The following TUSC3 variants were observed in gnomAD, a reference collection of about 807,000 sequenced individuals.
TUSC3 encodes the protein dolichyl-diphosphooligosaccharide--protein glycosyltransferase subunit TUSC3.
A neutral mutation model predicts 44.8 loss-of-function variants in TUSC3; 45 were observed. The observed-to-expected ratio is 1.00, with a 90% CI of 0.79 to 1.29. The LOEUF (loss-of-function observed/expected upper bound fraction) is 1.29, where lower values mean the gene tolerates loss of function less well. TUSC3 is among the 50% of genes most tolerant of loss of function. The pLI, the probability that TUSC3 is intolerant of heterozygous loss-of-function variation, is 0.00. For synonymous variants in TUSC3, 212 were observed against 152.9 expected, an observed-to-expected ratio of 1.39 and a Z score of -2.85; for missense variants, 519 against 437.9, an observed-to-expected ratio of 1.19 and a Z score of -1.65.
At chr8:15,663,340 C>T (rs558397117) in intron 5 of TUSC3, among the ~76,000 whole-genome samples, 1 of 151,634 alleles carries the variant, frequency 6.6e-6, no homozygotes, top group South Asian at 2.1e-4. Flanking sequence ...TAACTACATA[C>T]AATGTATTAT....
intron 2 of TUSC3, among the ~76,000 whole-genome samples, chr8:15,523,580 C>G (rs1295007489): frequency 6.7e-6 from 1 of 149,304 alleles, no homozygotes; most frequent in Non-Finnish European, 1.5e-5. Context: ...TAATAAATGC[C>G]TTGCCGACTT....
At chr8:15,823,510 A>G in the TUSC3 span, among the ~76,000 whole-genome samples, 4 of 152,304 alleles carry the variant, frequency 2.6e-5, no homozygotes, top group Non-Finnish European at 5.9e-5. Context: ...GTATTTAGGA[A>G]TGTCTTATTT....
chr8:15,803,183 T>C, the TUSC3 span, among the ~76,000 whole-genome samples: 1 of 150,308 alleles, frequency 6.7e-6, no homozygotes, highest in Non-Finnish European at 1.5e-5. Context: ...CCAAATTGCC[T>C]AAAACGTGCT....
intron 1 of TUSC3, among the ~76,000 whole-genome samples, chr8:15,423,974 T>G (rs1405923699): frequency 3.5e-5 from 2 of 57,804 alleles, no homozygotes; most frequent in African/African-American, 1.4e-4. Flanking sequence ...GCTTTGTTTT[T>G]TTTTTTTTTT....
At chr8:15,534,380 A>T (rs1801493403) in intron 2 of TUSC3, among the ~76,000 whole-genome samples, 1 of 152,146 alleles carries the variant, frequency 6.6e-6, no homozygotes, top group South Asian at 2.1e-4. Flanking sequence ...GCGGTGACGC[A>T]CACCTGTAAT....
chr8:15,460,659 C>T (rs2129121826), intron 1 of TUSC3, among the ~76,000 whole-genome samples: 1 of 152,268 alleles, frequency 6.6e-6, no homozygotes, highest in South Asian at 2.1e-4. Flanking sequence ...GTTATAGCTT[C>T]AGGTCTTAGA....
At chr8:15,703,498 C>T (rs2129196341) in intron 6 of TUSC3, among the ~76,000 whole-genome samples, 1 of 151,968 alleles carries the variant, frequency 6.6e-6, no homozygotes, top group South Asian at 2.1e-4. Context: ...TTGTCTTTGG[C>T]CATTTGGGTT....
the TUSC3 span, among the ~76,000 whole-genome samples, chr8:15,777,857 A>C: frequency 6.6e-6 from 1 of 152,210 alleles, no homozygotes; most frequent in Non-Finnish European, 1.5e-5. Context: ...ATTCTTAAAA[A>C]TTAAGGTTAT....
intron 6 of TUSC3, among the ~76,000 whole-genome samples, chr8:15,723,197 G>T (rs1160118228): frequency 6.6e-6 from 1 of 152,038 alleles, no homozygotes; most frequent in Non-Finnish European, 1.5e-5. Context: ...GAGTATGCCT[G>T]GGCCAGGTAA....
intron 2 of TUSC3, among the ~76,000 whole-genome samples, chr8:15,519,839 T>C (rs775264284): frequency 6.6e-6 from 1 of 152,240 alleles, no homozygotes; most frequent in Non-Finnish European, 1.5e-5. Flanking sequence ...AATACTTTAA[T>C]GCATGAAAAT....
chr8:15,659,492 T>C lies in TUSC3; in HGVS notation c.427-15T>C, dbSNP rs1807325456. On this transcript the variant is annotated splice_polypyrimidine_tract_variant and intron_variant, in intron 3 of 10. Coordinates refer to ENST00000503731, the MANE Select transcript of TUSC3 (RefSeq NM_006765.4). ...GATGATCCTATATTTAGTATTTTTT[T>C]CTCATGTTTTACAGCTCAACATGAA... 6.2e-7 allele frequency: 1 copy of C among 1,610,282 alleles called. No individual in the cohort carries two copies. Among genetic ancestry groups the C allele is most frequent in the Non-Finnish European group, 8.5e-7 (1 of 1,179,194 alleles).
rs550038183 is a variant in TUSC3, at chr8:15,458,143, G to A, written n.92-25243G>A. On this transcript the variant is annotated intron_variant and non_coding_transcript_variant, in intron 1 of 5. Transcript: ENST00000503191. ...GGATGATGGTTATGTCTAGTGAGAG[G>A]AAGGAAGGTGACGAGATGGGTTAAA... 2.7e-4 allele frequency among the ~76,000 whole-genome samples: 41 copies of A among 152,232 alleles called. 1 individual carries two copies. The South Asian group carries it at 7.7e-3, about 28-fold the overall frequency.
rs537435736 is a variant in TUSC3 at position 15,722,631 on chromosome 8, T to C, written c.799-8035T>C. ...TATGTGGTGTTGTTTACCTGCCTGA[T>C]TCACTTCATGTATACAGAATCTTCT... On this transcript the variant is annotated intron_variant, in intron 6 of 10. Coordinates refer to ENST00000503731, the MANE Select transcript of TUSC3 (RefSeq NM_006765.4). 8.8e-4 allele frequency among the ~76,000 whole-genome samples: 134 copies of C among 152,268 alleles called. 1 individual carries two copies. Among genetic ancestry groups the C allele is most frequent in the Non-Finnish European group, 1.8e-3 (122 of 68,008 alleles).
At chr8:15,746,355 G>C (rs570511445) in intron 8 of TUSC3, among the ~76,000 whole-genome samples, 1 of 152,136 alleles carries the variant, frequency 6.6e-6, no homozygotes, top group African/African-American at 2.4e-5. Flanking sequence ...GTATGAAAGT[G>C]AGCTGGAAAA....
At chr8:15,817,878 T>C in the TUSC3 span, among the ~76,000 whole-genome samples, 1 of 151,978 alleles carries the variant, frequency 6.6e-6, no homozygotes, top group African/African-American at 2.4e-5. Flanking sequence ...AGTGCTAAAG[T>C]GAATTGGGGC....
intron 6 of TUSC3, among the ~76,000 whole-genome samples, chr8:15,682,006 A>T (rs1808447431): frequency 6.6e-6 from 1 of 152,042 alleles, no homozygotes; most frequent in African/African-American, 2.4e-5. Flanking sequence ...TTCTATTTTT[A>T]TTCCACTGTG....
chr8:15,598,881 T>C (rs541454519), intron 1 of TUSC3, among the ~76,000 whole-genome samples: 38 of 151,988 alleles, frequency 2.5e-4, no homozygotes, highest in African/African-American at 9.1e-4. Flanking sequence ...TTGGTAATTA[T>C]GAATAAAGGT....
At chr8:15,598,532 G>T (rs1804157800) in intron 1 of TUSC3, among the ~76,000 whole-genome samples, 1 of 151,436 alleles carries the variant, frequency 6.6e-6, no homozygotes, top group African/African-American at 2.4e-5. Context: ...TGTGGGTTAG[G>T]GTAAATGTTT....
chr8:15,648,703 G>A (rs948983064), intron 2 of TUSC3, among the ~76,000 whole-genome samples: 13 of 113,066 alleles, frequency 1.1e-4, no homozygotes, highest in African/African-American at 4.5e-4. Context: ...TCCAGCCTGG[G>A]TGACAGAGCA....
Sources: gnomAD v4.1 joint callset for allele counts (sites outside exome capture counted in the v4.1 genomes callset) on GRCh38, gnomAD v4.1.1 for gene constraint, MANE v1.5 for transcripts, NCBI Gene and HGNC (gene_info 2026-07-23, HGNC 2026-07-21) for gene names.